SGCD: variants seen among roughly 807,000 people sequenced by gnomAD.
SGCD encodes the protein delta-sarcoglycan.
Under a neutral mutation model 36.6 loss-of-function variants are expected in SGCD, and 18 were observed. The ratio of observed to expected loss-of-function variants is 0.49; its 90% CI spans 0.34 to 0.73. SGCD has a LOEUF of 0.73. Ranked by LOEUF, SGCD falls within the 30% of genes least tolerant of loss-of-function variation. The probability of loss-of-function intolerance (pLI) is 0.01; values close to 1 mark genes in which losing one functional copy is unlikely to be tolerated. For synonymous variants in SGCD, 133 were observed against 130.6 expected, an observed-to-expected ratio of 1.02 and a Z score of -0.12; for missense variants, 387 against 346.7, an observed-to-expected ratio of 1.12 and a Z score of -0.92.
intron 1 of SGCD, among the ~76,000 whole-genome samples, chr5:155,893,173 A>G (rs771793352): frequency 3.8e-4 from 57 of 151,470 alleles, no homozygotes; most frequent in Non-Finnish European, 5.9e-4. Flanking sequence ...GGATATGCCT[A>G]TAACACTGAT....
intron 3 of SGCD, among the ~76,000 whole-genome samples, chr5:156,242,332 G>C (rs1290079865): frequency 6.6e-6 from 1 of 152,128 alleles, no homozygotes; most frequent in African/African-American, 2.4e-5. Context: ...GGTGGTGGTG[G>C]TTTAGGAGGA....
chr5:155,936,156 C>T (rs1180178476), intron 1 of SGCD, among the ~76,000 whole-genome samples: 1 of 152,184 alleles, frequency 6.6e-6, no homozygotes, highest in Non-Finnish European at 1.5e-5. Context: ...CTCTTCTTTC[C>T]TTCTCTCTTC....
intron 6 of SGCD, among the ~76,000 whole-genome samples, chr5:156,629,434 C>T (rs886081857): frequency 2.6e-5 from 4 of 152,162 alleles, no homozygotes; most frequent in Non-Finnish European, 5.9e-5. Context: ...AAAAAATCCC[C>T]CCAGGAAAAT....
At chr5:155,777,861 G>A in the SGCD span, among the ~76,000 whole-genome samples, 1 of 152,046 alleles carries the variant, frequency 6.6e-6, no homozygotes, top group South Asian at 2.1e-4. Flanking sequence ...GTATTTACAG[G>A]CCTTGCAGGT....
At chr5:156,186,581 C>A (rs1763767918) in intron 3 of SGCD, among the ~76,000 whole-genome samples, 1 of 152,208 alleles carries the variant, frequency 6.6e-6, no homozygotes, top group Non-Finnish European at 1.5e-5. Context: ...GAGGCATTCT[C>A]TGCTTAGCTG....
Position 156,200,707 on chromosome 5 carries a change from C to G in SGCD, c.-44+76688C>G, listed in dbSNP as rs140484402. On this transcript the variant is annotated intron_variant, in intron 3 of 9. Coordinates refer to the SGCD transcript ENST00000517913. ...CCTCAAAAAGCCAAATATTTAATTA[C>G]CATGTTATGATTCAGCAATCCCACT... Among the ~76,000 whole-genome samples, 454 of 152,202 alleles carry G rather than the reference C, an allele frequency of 3.0e-3. 1 individual carries two copies. Among genetic ancestry groups the G allele is most frequent in the Middle Eastern group, 6.8e-3 (2 of 294 alleles).
At chr5:156,483,873 C>T (rs1206138894) in intron 3 of SGCD, among the ~76,000 whole-genome samples, 5 of 152,206 alleles carry the variant, frequency 3.3e-5, no homozygotes, top group Admixed American at 1.3e-4. Context: ...AGAGCAAGTG[C>T]ACTGAGCTAA....
chr5:156,137,204 C>T (rs1762481259), intron 3 of SGCD, among the ~76,000 whole-genome samples: 1 of 152,182 alleles, frequency 6.6e-6, no homozygotes, highest in Admixed American at 6.5e-5. Flanking sequence ...AAGGTCTTTC[C>T]CTTATGCCCT....
chr5:156,062,175 A>G (rs1760232765), intron 1 of SGCD, among the ~76,000 whole-genome samples: 1 of 85,916 alleles, frequency 1.2e-5, no homozygotes, highest in Admixed American at 1.1e-4. Context: ...GAGTGAGAAT[A>G]TGCGGTGTTT....
At chr5:156,380,806 T>C (rs1770935632) in intron 3 of SGCD, among the ~76,000 whole-genome samples, 1 of 152,164 alleles carries the variant, frequency 6.6e-6, no homozygotes, top group Admixed American at 6.5e-5. Flanking sequence ...GAGATGTATA[T>C]AGGCAGGCTG....
At chr5:156,242,491 G>A (rs142679546) in intron 3 of SGCD, among the ~76,000 whole-genome samples, 1 of 152,118 alleles carries the variant, frequency 6.6e-6, no homozygotes, top group Non-Finnish European at 1.5e-5. Context: ...GTACATGTAA[G>A]ACTTGGGAAA....
intron 3 of SGCD, among the ~76,000 whole-genome samples, chr5:156,428,083 T>A (rs559759735): frequency 6.6e-6 from 1 of 152,268 alleles, no homozygotes; most frequent in South Asian, 2.1e-4. Flanking sequence ...TCTTTCTCTA[T>A]CTTGTGGAAT....
chr5:156,548,421 T>C (rs932852551), intron 4 of SGCD, among the ~76,000 whole-genome samples: 2 of 152,216 alleles, frequency 1.3e-5, no homozygotes, highest in African/African-American at 4.8e-5. Context: ...TACAAATTGG[T>C]TCATGCAAAT....
At chr5:156,000,616 G>T (rs748316656) in intron 1 of SGCD, among the ~76,000 whole-genome samples, 6 of 151,790 alleles carry the variant, frequency 4.0e-5, no homozygotes, top group Non-Finnish European at 8.8e-5. Context: ...CCACAATCCT[G>T]CCTTTCCTCT....
At chr5:156,495,546 C>T (rs558232587) in intron 3 of SGCD, among the ~76,000 whole-genome samples, 1 of 152,114 alleles carries the variant, frequency 6.6e-6, no homozygotes, top group East Asian at 1.9e-4. Context: ...GGGTACATAC[C>T]CCATGAAGGA....
chr5:156,068,836 C>G (rs913109245), intron 1 of SGCD, among the ~76,000 whole-genome samples: 1 of 151,810 alleles, frequency 6.6e-6, no homozygotes, highest in African/African-American at 2.4e-5. Flanking sequence ...GAGATGGTAT[C>G]TCATTGTGGT....
At chr5:156,348,980 A>G (rs969742108) in intron 3 of SGCD, among the ~76,000 whole-genome samples, 5 of 152,126 alleles carry the variant, frequency 3.3e-5, no homozygotes, top group Admixed American at 6.5e-5. Context: ...TTTACAAAGT[A>G]TACAAAAACA....
intron 1 of SGCD, among the ~76,000 whole-genome samples, chr5:156,101,941 T>TGTGTGTGTGTGAGA (rs1218348339): frequency 1.4e-5 from 2 of 138,266 alleles, no homozygotes; most frequent in Non-Finnish European, 1.6e-5. Context: ...TGTGTGTGTG[T>TGTGTGTGTGTGAGA]GAGAGAGAGA....
At chr5:156,276,066 T>C (rs1418434070) in intron 3 of SGCD, among the ~76,000 whole-genome samples, 3 of 152,070 alleles carry the variant, frequency 2.0e-5, no homozygotes, top group African/African-American at 7.2e-5. Flanking sequence ...GTTCTGTAGG[T>C]ACAGGAAGTT....
Sources: gnomAD v4.1 joint callset for allele counts (sites outside exome capture counted in the v4.1 genomes callset) on GRCh38, gnomAD v4.1.1 for gene constraint, MANE v1.5 for transcripts, NCBI Gene and HGNC (gene_info 2026-07-23, HGNC 2026-07-21) for gene names.